Variants in NCS1 observed in about 807,000 individuals in gnomAD.
NCS1 encodes the protein neuronal calcium sensor 1, also known as frequenin homolog.
In NCS1, 6 loss-of-function variants were observed where a neutral mutation model predicts 28.4. The observed-to-expected ratio is 0.21, with a 90% CI of 0.12 to 0.42. NCS1 has a LOEUF of 0.42. Among genes scored for constraint, NCS1 ranks in the 10% least tolerant of loss-of-function variants. NCS1 has a pLI of 1.00. For synonymous variants in NCS1, 86 were observed against 99.3 expected, an observed-to-expected ratio of 0.87 and a Z score of 0.79; for missense variants, 131 against 241.4, an observed-to-expected ratio of 0.54 and a Z score of 3.03.
In NCS1 at chr9:130,234,999, G is replaced by C. The variant is rs949078166; in HGVS notation, c.*2027G>C. ...CAGCCCGAGGAAGGCCTCTGCCGTA[G>C]TGACGTTGCCGTGTGGGGCTGCGTG... On this transcript the variant is annotated 3_prime_UTR_variant, in exon 8 of 8. Coordinates refer to ENST00000372398, the MANE Select transcript of NCS1 (RefSeq NM_014286.4). The surrounding 1 kb of genome is among the most constrained non-coding windows in gnomAD (Gnocchi z 6.1). 7 of 152,532 alleles carry C rather than the reference G, an allele frequency of 4.6e-5. No individual in the cohort carries two copies. The highest frequency in any genetic ancestry group is 3.3e-4 in the Admixed American group (5 of 15,290). The allele number at this position is 152,532 out of a possible 1,614,324, so 9.4% of individuals were successfully genotyped here. A position where few individuals can be genotyped will look rare whatever the true frequency, so the allele number is the denominator to read the frequency against.
At chr9:130,172,805 G>A in intron 1 of NCS1, 78 bp downstream of exon 1, 2 of 564,510 alleles carry the variant, frequency 3.5e-6, no homozygotes, top group Non-Finnish European at 4.5e-6. Flanking sequence ...CCCCGGACCC[G>A]CGCGCTACCC....
At chr9:130,176,595 T>C (rs924457511) in intron 1 of NCS1, among the ~76,000 whole-genome samples, 1 of 152,254 alleles carries the variant, frequency 6.6e-6, no homozygotes, top group Non-Finnish European at 1.5e-5. Flanking sequence ...GGAATCTTGC[T>C]GACTCTGGTC....
At chr9:130,218,825 A>G (rs1554909776) in intron 3 of NCS1, among the ~76,000 whole-genome samples, 2 of 152,110 alleles carry the variant, frequency 1.3e-5, no homozygotes, top group Admixed American at 6.5e-5. Flanking sequence ...TCCTGACCTC[A>G]GATGATCCAC....
intron 7 of NCS1, among the ~76,000 whole-genome samples, chr9:130,229,350 G>A (rs1404668544): frequency 6.6e-6 from 1 of 151,528 alleles, no homozygotes; most frequent in Non-Finnish European, 1.5e-5. Context: ...TGCCTCCTGG[G>A]TTCAGACAAT....
At chr9:130,185,807 C>G (rs1404212728) in intron 1 of NCS1, among the ~76,000 whole-genome samples, 5 of 152,266 alleles carry the variant, frequency 3.3e-5, no homozygotes, top group Non-Finnish European at 7.3e-5. Flanking sequence ...GCCCCACCAC[C>G]CCCTGCGCGC....
chr9:130,201,640 C>T (rs562660367), intron 2 of NCS1, among the ~76,000 whole-genome samples: 2 of 152,132 alleles, frequency 1.3e-5, no homozygotes, highest in East Asian at 1.9e-4. Context: ...AGGGGTGGCA[C>T]GTAGGGACAT....
intron 1 of NCS1, among the ~76,000 whole-genome samples, chr9:130,190,032 A>AAGAGAGAGAGAG (rs34529294): frequency 0.023 from 2,713 of 120,396 alleles, 65 homozygotes; most frequent in African/African-American, 0.056. Context: ...ATGTTTATGC[A>AAGAGAGAGAGAG]AGAGAGAGAG....
At chr9:130,223,789 T>TC (rs1833372288) in intron 6 of NCS1, among the ~76,000 whole-genome samples, 1 of 152,036 alleles carries the variant, frequency 6.6e-6, no homozygotes, top group South Asian at 2.1e-4. Context: ...TGATTTTTTT[T>TC]CCCCCAAGTT....
chr9:130,235,736 G>T lies in NCS1; in HGVS notation c.*2764G>T, dbSNP rs1346349178. On this transcript the variant is annotated 3_prime_UTR_variant, in exon 8 of 8. Transcript: ENST00000372398. ...CGATCTCTGCCCCCTCCTCTCCCCAGGCCTCTGGCTGCAGTGATGCCGCAG... is the reference window on the plus strand; with the variant it reads ...CGATCTCTGCCCCCTCCTCTCCCCATGCCTCTGGCTGCAGTGATGCCGCAG... 2.6e-5 allele frequency: 4 copies of T among 152,652 alleles called. No individual in the cohort carries two copies. Among genetic ancestry groups the T allele is most frequent in the African/African-American group, 9.6e-5 (4 of 41,478 alleles). The allele number at this position is 152,652 out of a possible 1,614,324, so 9.5% of individuals were successfully genotyped here.
At chr9:130,221,445 G>GAGAA (rs1478945278) in intron 4 of NCS1, among the ~76,000 whole-genome samples, 19 of 140,290 alleles carry the variant, frequency 1.4e-4, no homozygotes, top group Admixed American at 3.7e-4. Flanking sequence ...GAGAGAGAGA[G>GAGAA]AGAGAGAAAG....
chr9:130,191,623 G>A lies in NCS1; in HGVS notation c.65-9335G>A, dbSNP rs1389748325. 1.3e-5 allele frequency among the ~76,000 whole-genome samples: 2 copies of A among 152,208 alleles called. No homozygotes were observed. The highest frequency in any genetic ancestry group is 4.8e-5 in the African/African-American group (2 of 41,462). On this transcript the variant is annotated intron_variant, in intron 1 of 7. Coordinates refer to ENST00000372398, the MANE Select transcript of NCS1 (RefSeq NM_014286.4). This position sits in a 1 kb window ranked among gnomAD's most constrained non-coding sequence, Gnocchi z 6.4. ...GGTGCCTCATCCTGAGACAGATACA[G>A]CAACAGCCCATGGCCCCCTGGGCTG...
At position 130,217,865 on chromosome 9, in the gene NCS1, G is replaced by A. The variant is rs782265643; in HGVS notation, c.123G>A (p.Gly41=). 7 of 1,614,204 alleles carry A rather than the reference G, an allele frequency of 4.3e-6. No homozygotes were observed. Among genetic ancestry groups the A allele is most frequent in the Non-Finnish European group, 5.9e-6 (7 of 1,180,030 alleles). The change falls in exon 3 of 8, where the codon GGG becomes GGA. Residue 41 remains glycine (G), a synonymous_variant. Transcript: ENST00000372398. ...YKGFIKDCPS[G]QLDAAGFQKI... ...GCTTCATCAAGGACTGCCCCAGTGG[G>A]CAGCTGGATGCGGCAGGCTTCCAGA...
Position 130,226,580 on chromosome 9 carries a change from T to G in NCS1, c.*17+76T>G. 2 of 1,112,704 alleles carry G rather than the reference T, an allele frequency of 1.8e-6. No homozygotes were observed. The highest frequency in any genetic ancestry group is 2.7e-6 in the Non-Finnish European group (2 of 754,314). The allele number at this position is 1,112,704 out of a possible 1,614,324, so 68.9% of individuals were successfully genotyped here. A position where few individuals can be genotyped will look rare whatever the true frequency, so the allele number is the denominator to read the frequency against. On this transcript the variant is annotated intron_variant, in intron 7 of 7. Transcript: ENST00000372398. The surrounding 1 kb of genome is among the most constrained non-coding windows in gnomAD (Gnocchi z 4.8). ...AAACCCAGCAGCAGGACACCTACGG[T>G]TGGCAGGTAATTACCTGGGTCTCTG...
intron 1 of NCS1, among the ~76,000 whole-genome samples, chr9:130,199,868 C>G (rs1035609806): frequency 2.0e-5 from 3 of 151,566 alleles, no homozygotes; most frequent in African/African-American, 7.3e-5. Flanking sequence ...CTGACCTCCA[C>G]CTGACACCCC....
chr9:130,222,625 A>C lies in NCS1; in HGVS notation c.308-25A>C, dbSNP rs782027699. The C allele has an allele frequency of 1.9e-6, 3 of 1,608,708 alleles. No homozygotes were observed. In the East Asian group the frequency reaches 6.7e-5, roughly 36 times the overall value. On this transcript the variant is annotated intron_variant, in intron 4 of 7. Transcript: ENST00000372398. ...CTCCCCACTGCCCCAGCCCAGGATC[A>C]CTCAGCAGTGCTGCTTGCTTACAGG...
chr9:130,177,002 T>G lies in NCS1; in HGVS notation c.64+4275T>G, dbSNP rs998556168. Among the ~76,000 whole-genome samples the G allele has an allele frequency of 6.6e-6, 1 of 152,206 alleles. No homozygotes were observed. ...CGGTCCTTCCCAGGGACCCTCGGTC[T>G]GGGACTCAGGGGTGGCCACCTCCTC... On this transcript the variant is annotated intron_variant, in intron 1 of 7. Transcript: ENST00000372398. This position sits in a 1 kb window ranked among gnomAD's most constrained non-coding sequence, Gnocchi z 4.4.
chr9:130,182,609 C>T (rs1038597585), intron 1 of NCS1, among the ~76,000 whole-genome samples: 1 of 152,206 alleles, frequency 6.6e-6, no homozygotes, highest in Admixed American at 6.5e-5. Context: ...TGTGGCGCAG[C>T]TGTGCCCTGG....
chr9:130,211,579 C>G (rs1332486428), intron 2 of NCS1, among the ~76,000 whole-genome samples: 1 of 151,832 alleles, frequency 6.6e-6, no homozygotes, highest in Non-Finnish European at 1.5e-5. Context: ...CTTTCGGCTT[C>G]CACCTGGCTG....
chr9:130,205,352 G>A (rs79460329), intron 2 of NCS1, among the ~76,000 whole-genome samples: 2,206 of 152,072 alleles, frequency 0.015, 28 homozygotes, highest in Non-Finnish European at 0.023. Context: ...GAGGCCCAGT[G>A]CTCACTGTGG....
Sources: allele counts gnomAD v4.1 joint callset (sites outside exome capture counted in the v4.1 genomes callset), GRCh38; gene constraint gnomAD v4.1.1; non-coding constraint Gnocchi (gnomAD v3.1); transcripts MANE v1.5; gene names NCBI Gene and HGNC (gene_info 2026-07-23, HGNC 2026-07-21).